The following HNF4A variants were observed in gnomAD, a reference collection of about 807,000 sequenced individuals.
The protein encoded by HNF4A is hepatocyte nuclear factor 4 alpha.
HNF4A carries 15 observed loss-of-function variants against 52.4 expected under a neutral mutation model. The observed-to-expected ratio is 0.29, with a 90% CI of 0.19 to 0.44. The LOEUF (loss-of-function observed/expected upper bound fraction) is 0.44. Among genes scored for constraint, HNF4A ranks in the 20% least tolerant of loss-of-function variants. The pLI is 1.00. For missense variants in HNF4A, 479 were observed against 647.2 expected (o/e 0.74, Z 2.82); for synonymous variants, 280 against 264.4 (o/e 1.06, Z -0.57).
intron 1 of HNF4A, chr20:44,390,454 A>G (rs892269193): frequency 8.5e-6 from 5 of 585,718 alleles, no homozygotes; most frequent in African/African-American, 1.9e-5. Context: ...TGGATCCTGG[A>G]CAGGTCTGCA....
At chr20:44,422,576 G>A (rs1237950309) in intron 7 of HNF4A, among the ~76,000 whole-genome samples, 1 of 151,154 alleles carries the variant, frequency 6.6e-6, no homozygotes, top group Admixed American at 6.6e-5. Context: ...TCCTTTCTAG[G>A]CTAAGGATCT....
intron 1 of HNF4A, among the ~76,000 whole-genome samples, chr20:44,367,986 G>A (rs2062987076): frequency 6.7e-6 from 1 of 149,386 alleles, no homozygotes; most frequent in Non-Finnish European, 1.5e-5. Flanking sequence ...CACGAGAGGA[G>A]AGTTTATCTC....
At chr20:44,414,387 G>T in intron 4 of HNF4A, 120 bp from the exon 5 acceptor site, 1 of 1,420,344 alleles carries the variant, frequency 7.0e-7, no homozygotes, top group Non-Finnish European at 9.9e-7. Flanking sequence ...AGAGCTGGAG[G>T]GCACCCACTA....
At chr20:44,407,338 G>A in intron 2 of HNF4A, 43 bp from the exon 3 acceptor site, 3 of 1,432,128 alleles carry the variant, frequency 2.1e-6, no homozygotes, top group South Asian at 1.2e-5. Flanking sequence ...CTAAGAGGAG[G>A]AAGTTGTGTC....
At chr20:44,420,278 G>A (rs1351857281) in intron 7 of HNF4A, among the ~76,000 whole-genome samples, 1 of 151,994 alleles carries the variant, frequency 6.6e-6, no homozygotes, top group Admixed American at 6.6e-5. Flanking sequence ...GTTGCAGTGA[G>A]CCAAGATCCC....
rs1187579643 is a variant in HNF4A at position 44,401,460 on chromosome 20, A to C, written c.88A>C (p.Asn30His). Residue 30 changes from asparagine (N) to histidine (H), a missense_variant, in exon 1 of 10, where the codon AAT (asparagine) becomes CAT (histidine). By Grantham distance (68) the Asn-to-His change is moderately conservative (BLOSUM62 1). Transcript: ENST00000316099. ...AGCCTACACCACCCTGGAATTTGAG[A>C]ATGTGCAGGTGTTGACGATGGGCAA... The C allele has an allele frequency of 6.2e-7, 1 of 1,614,174 alleles. No homozygotes were observed. The highest frequency in any genetic ancestry group is 8.5e-7 in the Non-Finnish European group (1 of 1,180,026).
chr20:44,362,554 C>G (rs1372932938), intron 1 of HNF4A, among the ~76,000 whole-genome samples: 1 of 151,956 alleles, frequency 6.6e-6, no homozygotes. Context: ...TCATTTAAGC[C>G]CCTTTTATGT....
chr20:44,414,040 CAG>C (rs1388772257), intron 4 of HNF4A, among the ~76,000 whole-genome samples: 1 of 152,240 alleles, frequency 6.6e-6, no homozygotes, highest in Non-Finnish European at 1.5e-5. Context: ...ACAGGCCAAG[CAG>C]AGTCTTCACC....
chr20:44,377,870 A>G (rs2063102887), intron 1 of HNF4A: 1 of 152,128 alleles, frequency 6.6e-6, no homozygotes. Context: ...GATGCTCCAA[A>G]GACTATTCTT....
In HNF4A at chr20:44,429,808, C is replaced by A; in HGVS notation, c.*143C>A. On this transcript the variant is annotated 3_prime_UTR_variant, in exon 10 of 10. Coordinates refer to ENST00000316099, the MANE Select transcript of HNF4A (RefSeq NM_000457.6). Reference sequence around the variant, plus strand: ...ATGGGAAGGATGAAGGGCCCGAGAACATGGCCTAAGGGCCACATCCCACTG... The same window carrying A: ...ATGGGAAGGATGAAGGGCCCGAGAAAATGGCCTAAGGGCCACATCCCACTG... 1.2e-6 allele frequency: 1 copy of A among 867,482 alleles called. No individual in the cohort carries two copies. Among genetic ancestry groups the A allele is most frequent in the Non-Finnish European group, 1.8e-6 (1 of 551,418 alleles). The allele number at this position is 867,482 out of a possible 1,614,324, so 53.7% of individuals were successfully genotyped here.
At chr20:44,407,577 A>AG (rs2063519319) in intron 3 of HNF4A, 102 bp downstream of exon 3, 1 of 839,202 alleles carries the variant, frequency 1.2e-6, no homozygotes, top group Non-Finnish European at 2.0e-6. Flanking sequence ...ACTCAGTGGC[A>AG]GGCCCCAGGG....
At chr20:44,392,919 C>T (rs1348081324) in intron 1 of HNF4A, among the ~76,000 whole-genome samples, 1 of 152,244 alleles carries the variant, frequency 6.6e-6, no homozygotes, top group East Asian at 1.9e-4. Flanking sequence ...GGGTTTCCAT[C>T]CCTACCTGCC....
At chr20:44,360,568 G>A (rs1464752333) in intron 1 of HNF4A, among the ~76,000 whole-genome samples, 1 of 152,168 alleles carries the variant, frequency 6.6e-6, no homozygotes, top group Non-Finnish European at 1.5e-5. Context: ...TGAAAAGATG[G>A]ATGAATGGAT....
downstream of HNF4A, chr20:44,433,434 A>G (rs537855091): frequency 6.5e-6 from 1 of 152,792 alleles, no homozygotes; most frequent in Non-Finnish European, 1.5e-5. Context: ...TAATCCCAGC[A>G]CTTTGGGAGG....
At position 44,379,968 on chromosome 20, in the gene HNF4A, G is replaced by A. The variant is rs541293757; in HGVS notation, c.49+24115G>A. Among the ~76,000 whole-genome samples, 6 of 152,008 alleles carry A rather than the reference G, an allele frequency of 3.9e-5. No homozygotes were observed. In the South Asian group the frequency reaches 6.2e-4, roughly 16 times the overall value. ...AGGCTGGTCTTGAACTCCTGACCTC[G>A]TGATCCGCCCGCCTTGGCCTCCCAA... On this transcript the variant is annotated intron_variant, in intron 1 of 9. Coordinates refer to the HNF4A transcript ENST00000316673.
chr20:44,387,683 T>C (rs7265409), intron 1 of HNF4A, among the ~76,000 whole-genome samples: 2,105 of 5,316 alleles, frequency 0.4, 427 homozygotes, highest in East Asian at 0.61. Context: ...GGGGGGGCGG[T>C]GGAGCGGGGG....
intron 6 of HNF4A, 35 bp from the exon 7 acceptor site, chr20:44,419,686 G>T: frequency 6.2e-7 from 1 of 1,609,528 alleles, no homozygotes; most frequent in South Asian, 1.1e-5. Context: ...AACCCAAGGT[G>T]ACTTCCCATC....
intron 3 of HNF4A, among the ~76,000 whole-genome samples, chr20:44,410,621 A>C (rs1381231555): frequency 6.6e-6 from 1 of 152,002 alleles, no homozygotes; most frequent in Non-Finnish European, 1.5e-5. Flanking sequence ...TGAGGACTGA[A>C]ACCCTAAAAT....
intron 1 of HNF4A, among the ~76,000 whole-genome samples, chr20:44,361,977 C>G (rs1465922451): frequency 6.6e-6 from 1 of 152,112 alleles, no homozygotes; most frequent in Non-Finnish European, 1.5e-5. Context: ...GCTGAGGGAA[C>G]AGCATATGAA....
Sources: gnomAD v4.1 joint callset for allele counts (sites outside exome capture counted in the v4.1 genomes callset) on GRCh38, gnomAD v4.1.1 for gene constraint, MANE v1.5 for transcripts, NCBI Gene and HGNC (gene_info 2026-07-23, HGNC 2026-07-21) for gene names.